Variants in TP53INP1 observed in about 807,000 individuals in gnomAD.
TP53INP1 encodes the protein tumor protein p53-inducible nuclear protein 1.
TP53INP1 carries 12 observed loss-of-function variants against 21.0 expected under a neutral mutation model. The observed-to-expected ratio is 0.57, with a 90% confidence interval of 0.37 to 0.93. TP53INP1 has a LOEUF of 0.93. TP53INP1 is among the 40% of genes least tolerant of loss of function. TP53INP1 has a pLI of 0.01. For synonymous variants in TP53INP1, 91 were observed against 94.8 expected (o/e 0.96, Z 0.23); for missense variants, 274 against 294.7 (o/e 0.93, Z 0.51).
chr8:94,941,903 C>G (rs1821573306), intron 1 of TP53INP1, among the ~76,000 whole-genome samples: 1 of 152,156 alleles, frequency 6.6e-6, no homozygotes, highest in African/African-American at 2.4e-5. Flanking sequence ...ATGGGCGTAT[C>G]AAACCAAACA....
chr8:94,927,607 T>C lies in TP53INP1; in HGVS notation c.*2872A>G, dbSNP rs1820007606. The C allele has an allele frequency of 6.6e-6, 1 of 152,144 alleles. No homozygotes were observed. The highest frequency in any genetic ancestry group is 2.1e-4 in the South Asian group (1 of 4,834). 9.4% of individuals were successfully genotyped at this position (152,144 alleles called of 1,614,324 possible). On this transcript the variant is annotated 3_prime_UTR_variant, in exon 4 of 4. Transcript: ENST00000342697. The stretch of plus-strand genomic sequence containing the variant: ...ATGCATTGCCACAGAAGATAAATAA[T>C]GGATGGCTAATTTTCACCTTACAGT...
rs905594878 is a variant in TP53INP1 at position 94,928,615 on chromosome 8, A to G, written c.*1864T>C. The G allele has an allele frequency of 6.6e-6, 1 of 152,384 alleles. No individual in the cohort carries two copies. The highest frequency in any genetic ancestry group is 2.4e-5 in the African/African-American group (1 of 41,444). 9.4% of individuals were successfully genotyped at this position (152,384 alleles called of 1,614,324 possible). On this transcript the variant is annotated 3_prime_UTR_variant, in exon 4 of 4. Transcript: ENST00000342697. ...AGTCAAAACGGAAGGGGCAATAAGGAGAAAGGGGGAATCTAACTCTTGTTC... is the reference window on the plus strand; with the variant it reads ...AGTCAAAACGGAAGGGGCAATAAGGGGAAAGGGGGAATCTAACTCTTGTTC...
intron 1 of TP53INP1, among the ~76,000 whole-genome samples, chr8:94,946,108 T>C (rs1821963850): frequency 3.3e-5 from 1 of 30,190 alleles, no homozygotes; most frequent in Non-Finnish European, 1.4e-4. Context: ...TTTCTTCTGT[T>C]TTTTTTTTTC....
At position 94,927,532 on chromosome 8, in the gene TP53INP1, A is replaced by C. The variant is rs1169941378; in HGVS notation, c.*2947T>G. On this transcript the variant is annotated 3_prime_UTR_variant, in exon 4 of 4. Coordinates refer to ENST00000342697, the MANE Select transcript of TP53INP1 (RefSeq NM_033285.4). ...CCTGCGATAGGAAGTCGAAAACCCA[A>C]TCACTTTGCATCTTTCTGCAAAAAA... 6.6e-6 allele frequency: 1 copy of C among 152,182 alleles called. No homozygotes were observed. The highest frequency in any genetic ancestry group is 1.5e-5 in the Non-Finnish European group (1 of 68,020). The allele number at this position is 152,182 out of a possible 1,614,324, so 9.4% of individuals were successfully genotyped here.
rs1311172359 is a variant in TP53INP1 at position 94,940,988 on chromosome 8, G to A, written c.-47C>T. 2.7e-6 allele frequency: 4 copies of A among 1,465,710 alleles called. No homozygotes were observed. Among genetic ancestry groups the A allele is most frequent in the Non-Finnish European group, 2.8e-6 (3 of 1,055,014 alleles). The allele number at this position is 1,465,710 out of a possible 1,614,324, so 90.8% of individuals were successfully genotyped here. ...TTGGCTGGATGTCTTTTATAGCTGAGATTTCAAAACCTTGTCTTTAGTTGG... is the reference window on the plus strand; with the variant it reads ...TTGGCTGGATGTCTTTTATAGCTGAAATTTCAAAACCTTGTCTTTAGTTGG... On this transcript the variant is annotated 5_prime_UTR_variant, in exon 2 of 4. Transcript: ENST00000342697.
In TP53INP1 at chr8:94,930,342, G is replaced by T; in HGVS notation, c.*137C>A. The stretch of plus-strand genomic sequence containing the variant: ...GCATATAAATCTGATTTTCAAGATA[G>T]TGTCTAAATACACTGATAAAACTAT... On this transcript the variant is annotated 3_prime_UTR_variant, in exon 4 of 4. Transcript: ENST00000342697. The T allele has an allele frequency of 1.6e-6, 2 of 1,222,684 alleles. No homozygotes were observed. The highest frequency in any genetic ancestry group is 2.3e-6 in the Non-Finnish European group (2 of 873,408). 75.7% of individuals were successfully genotyped at this position (1,222,684 alleles called of 1,614,324 possible). A position where few individuals can be genotyped will look rare whatever the true frequency, so the allele number is the denominator to read the frequency against.
Position 94,949,371 on chromosome 8 carries a change from C to A in TP53INP1, c.-368G>T, listed in dbSNP as rs533678578. On this transcript the variant is annotated 5_prime_UTR_variant, in exon 1 of 4. Transcript: ENST00000342697. ...CAAGTCCTTTTGTTGTTGTGCAGCG[C>A]TCGCAACAGCTGATCGGCCGCTCCG... 1 of 150,870 alleles carries A rather than the reference C, an allele frequency of 6.6e-6. No homozygotes were observed. Among genetic ancestry groups the A allele is most frequent in the Non-Finnish European group, 1.5e-5 (1 of 67,588 alleles). 9.3% of individuals were successfully genotyped at this position (150,870 alleles called of 1,614,324 possible). A position where few individuals can be genotyped will look rare whatever the true frequency, so the allele number is the denominator to read the frequency against.
intron 1 of TP53INP1, among the ~76,000 whole-genome samples, chr8:94,947,795 A>C (rs1822151067): frequency 6.6e-6 from 1 of 152,230 alleles, no homozygotes; most frequent in African/African-American, 2.4e-5. Context: ...GGAAAGAACA[A>C]AAGATAGGAT....
At chr8:94,946,261 C>T (rs1234297478) in intron 1 of TP53INP1, among the ~76,000 whole-genome samples, 1 of 152,082 alleles carries the variant, frequency 6.6e-6, no homozygotes, top group African/African-American at 2.4e-5. Context: ...AGAAAGGTGG[C>T]TGACTGAGTC....
rs1819916143 is a variant in TP53INP1, at chr8:94,926,523, C to T, written c.*3956G>A. The T allele has an allele frequency of 6.7e-6, 1 of 148,676 alleles. No individual in the cohort carries two copies. The highest frequency in any genetic ancestry group is 1.5e-5 in the Non-Finnish European group (1 of 68,002). 9.2% of individuals were successfully genotyped at this position (148,676 alleles called of 1,614,324 possible). On this transcript the variant is annotated 3_prime_UTR_variant, in exon 4 of 4. Transcript: ENST00000342697. ...CAAGCCTGAAACACACATCTAACCT[C>T]CCCAGGTACTGGTTTGGTTTTCAGA... is the stretch of plus-strand genomic sequence containing the variant.
Position 94,931,625 on chromosome 8 carries a change from A to G in TP53INP1, c.474-897T>C, listed in dbSNP as rs556470200. 2.3e-5 allele frequency among the ~76,000 whole-genome samples: 3 copies of G among 127,872 alleles called. No individual in the cohort carries two copies. In the South Asian group the frequency reaches 7.7e-4, roughly 33 times the overall value. The allele number at this position is 127,872 out of a possible 152,430, so 83.9% of individuals were successfully genotyped here. ...ACACACACACATAAAATTTTTTTAA[A>G]GTAGAATTTTAAGAGGCCACAATAA... On this transcript the variant is annotated intron_variant, in intron 3 of 3. Coordinates refer to ENST00000342697, the MANE Select transcript of TP53INP1 (RefSeq NM_033285.4).
chr8:94,942,038 C>CTT (rs547276041), intron 1 of TP53INP1, among the ~76,000 whole-genome samples: 74 of 144,500 alleles, frequency 5.1e-4, no homozygotes, highest in Admixed American at 1.1e-3. Flanking sequence ...ACCCTTCACG[C>CTT]TTTTTTTTTT....
In TP53INP1 at chr8:94,929,662, G is replaced by A. The variant is rs900287110; in HGVS notation, c.*817C>T. On this transcript the variant is annotated 3_prime_UTR_variant, in exon 4 of 4. Coordinates refer to ENST00000342697, the MANE Select transcript of TP53INP1 (RefSeq NM_033285.4). ...TTATAGCTGATGCGAGGTGAGGAGT[G>A]GACAGAATTGGCGGGAAGGAATAGT... The A allele has an allele frequency of 6.6e-6, 1 of 152,190 alleles. No individual in the cohort carries two copies. The highest frequency in any genetic ancestry group is 1.5e-5 in the Non-Finnish European group (1 of 68,046). 9.4% of individuals were successfully genotyped at this position (152,190 alleles called of 1,614,324 possible).
chr8:94,933,834 T>TGGGGGGGGG (rs572867137), intron 3 of TP53INP1, among the ~76,000 whole-genome samples: 1 of 59,022 alleles, frequency 1.7e-5, no homozygotes, highest in African/African-American at 6.2e-5. Flanking sequence ...CAGCACTTTG[T>TGGGGGGGGG]GGGGGGGGGG....
At chr8:94,947,609 C>T (rs1045313900) in intron 1 of TP53INP1, among the ~76,000 whole-genome samples, 26 of 152,348 alleles carry the variant, frequency 1.7e-4, no homozygotes, top group Admixed American at 1.4e-3. Flanking sequence ...GTTGTCTTTG[C>T]TTGTTCCACT....
intron 1 of TP53INP1, among the ~76,000 whole-genome samples, chr8:94,946,106 GTT>G (rs11301626): frequency 3.4e-5 from 5 of 149,098 alleles, no homozygotes; most frequent in African/African-American, 4.9e-5. Flanking sequence ...CTTTTCTTCT[GTT>G]TTTTTTTTTC....
chr8:94,931,680 A>G (rs924122031), intron 3 of TP53INP1, among the ~76,000 whole-genome samples: 13 of 152,196 alleles, frequency 8.5e-5, no homozygotes, highest in Admixed American at 2.0e-4. Flanking sequence ...TAATATAAAG[A>G]AAATTATTTT....
intron 3 of TP53INP1, among the ~76,000 whole-genome samples, chr8:94,933,294 T>C (rs942030378): frequency 7.9e-5 from 12 of 152,164 alleles, no homozygotes; most frequent in African/African-American, 2.9e-4. Flanking sequence ...TATCCCTATA[T>C]AACTATCATA....
rs925905859 is a variant in TP53INP1 at position 94,929,355 on chromosome 8, G to T, written c.*1124C>A. 6 of 151,290 alleles carry T rather than the reference G, an allele frequency of 4.0e-5. No homozygotes were observed. The highest frequency in any genetic ancestry group is 1.3e-4 in the Admixed American group (2 of 15,208). The allele number at this position is 151,290 out of a possible 1,614,324, so 9.4% of individuals were successfully genotyped here. Reference sequence around the variant, plus strand: ...AGAGTGGTTAAAGATTTTGCCTGAAGTTAAAACAAAAAATGAAAAGTCACT... The same window carrying T: ...AGAGTGGTTAAAGATTTTGCCTGAATTTAAAACAAAAAATGAAAAGTCACT... On this transcript the variant is annotated 3_prime_UTR_variant, in exon 4 of 4. Transcript: ENST00000342697.
Sources: gnomAD v4.1 joint callset for allele counts (sites outside exome capture counted in the v4.1 genomes callset) on GRCh38, gnomAD v4.1.1 for gene constraint, MANE v1.5 for transcripts, NCBI Gene and HGNC (gene_info 2026-07-23, HGNC 2026-07-21) for gene names.